The following XPO1 variants were observed in gnomAD, a reference collection of about 807,000 sequenced individuals.
XPO1 encodes exportin-1.
XPO1 carries 5 observed loss-of-function variants against 133.3 expected under a neutral mutation model. That is an observed-to-expected ratio of 0.04 (90% CI 0.02 to 0.08). The LOEUF is 0.08. Ranked by LOEUF, XPO1 falls within the 10% of genes least tolerant of loss-of-function variation. The probability of loss-of-function intolerance (pLI) is 1.00; values close to 1 mark genes in which losing one functional copy is unlikely to be tolerated. For synonymous variants in XPO1, 419 were observed against 408.2 expected (o/e 1.03, Z -0.32); for missense variants, 506 against 1,267.5 (o/e 0.40, Z 9.12).
At chr2:61,497,788 T>TAA (rs1021081525) in intron 9 of XPO1, among the ~76,000 whole-genome samples, 1 of 152,216 alleles carries the variant, frequency 6.6e-6, no homozygotes, top group African/African-American at 2.4e-5. Context: ...ACATACCTAA[T>TAA]AATCTGGTGA....
At position 61,500,498 on chromosome 2, in the gene XPO1, G is replaced by C. The variant is rs113939817; in HGVS notation, c.409-604C>G. On this transcript the variant is annotated intron_variant, in intron 6 of 24. Coordinates refer to ENST00000401558, the MANE Select transcript of XPO1 (RefSeq NM_003400.4). ...GGAGGCTGAGGCAGGAGAATCTCTT[G>C]AACCTGGGAGGCAGAGGTTGCAGTG... 8.6e-3 allele frequency among the ~76,000 whole-genome samples: 1,279 copies of C among 149,350 alleles called. 28 individuals carry two copies. The highest frequency in any genetic ancestry group is 0.05 in the South Asian group (234 of 4,688).
chr2:61,503,645 C>T (rs1261367670), intron 4 of XPO1, among the ~76,000 whole-genome samples: 2 of 151,828 alleles, frequency 1.3e-5, no homozygotes, highest in South Asian at 2.1e-4. Flanking sequence ...AGGATGGTCT[C>T]GATCTCCTGA....
intron 6 of XPO1, among the ~76,000 whole-genome samples, chr2:61,501,671 C>T (rs1436609841): frequency 2.8e-5 from 4 of 142,962 alleles, no homozygotes; most frequent in Admixed American, 1.5e-4. Flanking sequence ...TGCAGTGAGC[C>T]GAGATCATGC....
chr2:61,481,336 G>T (rs574848757), intron 23 of XPO1, 55 bp from the exon 24 acceptor site: 2 of 1,369,276 alleles, frequency 1.5e-6, no homozygotes, highest in East Asian at 4.9e-5. Flanking sequence ...CCGAGACAGA[G>T]TATTGCTCTG....
At chr2:61,520,335 C>G (rs1437225126) in intron 4 of XPO1, among the ~76,000 whole-genome samples, 4 of 152,106 alleles carry the variant, frequency 2.6e-5, no homozygotes, top group African/African-American at 4.8e-5. Flanking sequence ...AGAGAAGCCT[C>G]CCAGTTAAAA....
At chr2:61,520,562 G>A (rs1698639680) in intron 4 of XPO1, among the ~76,000 whole-genome samples, 2 of 152,156 alleles carry the variant, frequency 1.3e-5, no homozygotes, top group African/African-American at 4.8e-5. Context: ...TGAGGTGGGA[G>A]GATTGCTTGA....
intron 7 of XPO1, among the ~76,000 whole-genome samples, chr2:61,499,433 T>A (rs866987903): frequency 3.3e-5 from 5 of 152,116 alleles, no homozygotes; most frequent in African/African-American, 1.2e-4. Flanking sequence ...AAATAACTAA[T>A]ACGTATGTTT....
chr2:61,526,788 A>G lies in XPO1; in HGVS notation c.127-267T>C, dbSNP rs553802554. Among the ~76,000 whole-genome samples, 5 of 151,518 alleles carry G rather than the reference A, an allele frequency of 3.3e-5. No individual in the cohort carries two copies. The East Asian group carries it at 9.7e-4, about 29-fold the overall frequency. ...AGTGGTGCGATCTCAGCACCCTGCA[A>G]CCTCTGCCTCCTGGGTTCAAGCGAT... On this transcript the variant is annotated intron_variant, in intron 2 of 24. Coordinates refer to ENST00000401558, the MANE Select transcript of XPO1 (RefSeq NM_003400.4).
At chr2:61,479,105 T>G (rs757382179) in intron 24 of XPO1, 139 bp from the exon 25 acceptor site, 1 of 955,148 alleles carries the variant, frequency 1.0e-6, no homozygotes, top group East Asian at 2.6e-5. Context: ...AATTATAGGA[T>G]AGTGACACAG....
chr2:61,490,874 C>A lies in XPO1; in HGVS notation c.1888-98G>T, dbSNP rs1696945883. ...ACAAACGTCTTGAAACTGATTTTGG[C>A]CCAGGTGCAGTGGATCACTCCTGTA... On this transcript the variant is annotated intron_variant, in intron 16 of 24. Coordinates refer to ENST00000401558, the MANE Select transcript of XPO1 (RefSeq NM_003400.4). 4 of 1,460,978 alleles carry A rather than the reference C, an allele frequency of 2.7e-6. No individual in the cohort carries two copies. In the South Asian group the frequency reaches 5.1e-5, roughly 18 times the overall value. The allele number at this position is 1,460,978 out of a possible 1,614,324, so 90.5% of individuals were successfully genotyped here.
At chr2:61,520,697 C>G (rs756227114) in intron 4 of XPO1, among the ~76,000 whole-genome samples, 1 of 152,090 alleles carries the variant, frequency 6.6e-6, no homozygotes, top group Non-Finnish European at 1.5e-5. Context: ...TTGTCTGTAA[C>G]AAATGTAACT....
chr2:61,494,121 A>C (rs755510890), intron 11 of XPO1, 30 bp from the exon 12 acceptor site: 34 of 1,576,594 alleles, frequency 2.2e-5, no homozygotes, highest in Non-Finnish European at 2.9e-5. Context: ...TGTTAAAATA[A>C]TTCTTAAACA....
At chr2:61,493,107 TTAGTG>T in intron 12 of XPO1, 54 bp from the exon 13 acceptor site, 2 of 1,506,750 alleles carry the variant, frequency 1.3e-6, no homozygotes, top group Non-Finnish European at 1.8e-6. Context: ...ACTGAAATCA[TTAGTG>T]TAGAAGCTTA....
At chr2:61,521,884 C>G (rs557029465) in intron 4 of XPO1, among the ~76,000 whole-genome samples, 7 of 151,072 alleles carry the variant, frequency 4.6e-5, no homozygotes, top group Non-Finnish European at 8.9e-5. Context: ...CCCACTGATA[C>G]CCCTGTCCCC....
At chr2:61,516,336 T>G (rs975135366) in intron 4 of XPO1, among the ~76,000 whole-genome samples, 7 of 150,272 alleles carry the variant, frequency 4.7e-5, no homozygotes, top group African/African-American at 1.5e-4. Context: ...AAAAAAAAAA[T>G]CAAACCTTGT....
intron 4 of XPO1, among the ~76,000 whole-genome samples, chr2:61,509,070 C>T (rs112424768): frequency 4.2e-3 from 643 of 152,140 alleles, no homozygotes; most frequent in Non-Finnish European, 7.2e-3. Flanking sequence ...GTGCTATCTC[C>T]GCTCACTGCA....
intron 2 of XPO1, among the ~76,000 whole-genome samples, chr2:61,533,501 G>A (rs1174183225): frequency 1.3e-5 from 2 of 152,104 alleles, no homozygotes; most frequent in Non-Finnish European, 2.9e-5. Flanking sequence ...ATATATAAAA[G>A]TACAGAGAAC....
chr2:61,522,519 A>G (rs1282691382), intron 4 of XPO1, 92 bp downstream of exon 4: 11 of 1,126,768 alleles, frequency 9.8e-6, no homozygotes, highest in African/African-American at 4.7e-5. Flanking sequence ...AAAATATACT[A>G]AAGATTCATT....
intron 11 of XPO1, 146 bp from the exon 12 acceptor site, chr2:61,494,237 A>G (rs1462453250): frequency 2.4e-5 from 17 of 704,494 alleles, no homozygotes; most frequent in Non-Finnish European, 3.6e-5. Context: ...ATAGACAGCA[A>G]ACTCTGGAGT....
Sources: allele counts gnomAD v4.1 joint callset (sites outside exome capture counted in the v4.1 genomes callset), GRCh38; gene constraint gnomAD v4.1.1; transcripts MANE v1.5; gene names NCBI Gene and HGNC (gene_info 2026-07-23, HGNC 2026-07-21).